The following FREM2 variants were observed in gnomAD, a reference collection of about 807,000 sequenced individuals.
The protein encoded by FREM2 is FRAS1-related extracellular matrix protein 2.
A neutral mutation model predicts 219.9 loss-of-function variants in FREM2; 119 were observed. The ratio of observed to expected loss-of-function variants is 0.54; its 90% CI spans 0.47 to 0.63. FREM2 has a LOEUF of 0.63. Among genes scored for constraint, FREM2 ranks in the 30% least tolerant of loss-of-function variants. The probability of loss-of-function intolerance (pLI) is 0.00; values close to 1 mark genes in which losing one functional copy is unlikely to be tolerated. For synonymous variants in FREM2, 1,562 were observed against 1,522.8 expected (o/e 1.03, Z -0.60); for missense variants, 4,030 against 3,993.6 (o/e 1.01, Z -0.25).
intron 6 of FREM2, among the ~76,000 whole-genome samples, chr13:38,823,182 T>C (rs1876136708): frequency 6.6e-6 from 1 of 151,934 alleles, no homozygotes; most frequent in African/African-American, 2.4e-5. Context: ...CCTTCATATC[T>C]CTAAATATTA....
At chr13:38,740,392 A>G (rs1229841940) in intron 2 of FREM2, among the ~76,000 whole-genome samples, 8 of 152,176 alleles carry the variant, frequency 5.3e-5, no homozygotes, top group Non-Finnish European at 1.0e-4. Flanking sequence ...ACATCTTCAA[A>G]CAGTTCTTTA....
intron 2 of FREM2, among the ~76,000 whole-genome samples, chr13:38,741,882 T>C (rs1872263214): frequency 6.6e-6 from 1 of 152,144 alleles, no homozygotes; most frequent in Non-Finnish European, 1.5e-5. Flanking sequence ...AATATGCTTG[T>C]CTGGAGAAAA....
intron 6 of FREM2, among the ~76,000 whole-genome samples, chr13:38,793,483 A>G (rs2137841158): frequency 6.6e-6 from 1 of 152,316 alleles, no homozygotes; most frequent in Non-Finnish European, 1.5e-5. Flanking sequence ...GCTTGGATAC[A>G]GCAAAAAACT....
rs765981618 is a variant in FREM2, at chr13:38,690,155, T to C, written c.2811T>C (p.Asp937=). 12 of 1,613,996 alleles carry C rather than the reference T, an allele frequency of 7.4e-6. No individual in the cohort carries two copies. Among genetic ancestry groups the C allele is most frequent in the Non-Finnish European group, 1.0e-5 (12 of 1,180,020 alleles). ...TCAGAGTAAATGTCCGGCCAGTGGA[T>C]GATGAAGTGCCCATACTGAGCCATC... ...ITLRVNVRPV[D]DEVPILSHPT... The change falls in exon 1 of 24, where the codon GAT becomes GAC. Residue 937 remains aspartate, a synonymous_variant. Transcript: ENST00000280481.
chr13:38,724,400 A>AC (rs1406003310), intron 2 of FREM2, among the ~76,000 whole-genome samples: 23 of 152,230 alleles, frequency 1.5e-4, no homozygotes, highest in Admixed American at 1.5e-3. Flanking sequence ...CAAGTATATG[A>AC]CAGAGTTAGA....
intron 6 of FREM2, among the ~76,000 whole-genome samples, chr13:38,815,122 G>T (rs376774184): frequency 6.6e-6 from 1 of 152,144 alleles, no homozygotes; most frequent in Non-Finnish European, 1.5e-5. Context: ...TGTACACATG[G>T]TTGCTAAAAT....
Position 38,783,117 on chromosome 13 carries a change from G to T in FREM2, c.5689G>T (p.Val1897Phe), listed in dbSNP as rs1213042816. The T allele has an allele frequency of 8.7e-6, 14 of 1,613,864 alleles. No individual in the cohort carries two copies. Among genetic ancestry groups the T allele is most frequent in the African/African-American group, 1.3e-5 (1 of 74,906 alleles). ...PQSKYSVEEDVGELFIPIRRS... is the reference protein window; with the variant it reads ...PQSKYSVEEDFGELFIPIRRS... ...GTCCAAATACTCCGTTGAAGAAGAT[G>T]TTGGTGAGCTGTTCATTCCCATCAG... The change falls in exon 5 of 24, where the codon GTT (valine) becomes TTT (phenylalanine). Residue 1897 changes from valine to phenylalanine, a missense_variant. Physicochemically the swap from Val to Phe is conservative, Grantham distance 50. Coordinates refer to ENST00000280481, the MANE Select transcript of FREM2 (RefSeq NM_207361.6).
chr13:38,854,497 A>G (rs1227283579), intron 11 of FREM2, among the ~76,000 whole-genome samples: 1 of 152,188 alleles, frequency 6.6e-6, no homozygotes, highest in East Asian at 1.9e-4. Context: ...TCTGCCATGC[A>G]GGAAGGTGCC....
At chr13:38,848,073 A>G (rs1877229644) in intron 7 of FREM2, among the ~76,000 whole-genome samples, 1 of 152,228 alleles carries the variant, frequency 6.6e-6, no homozygotes, top group Non-Finnish European at 1.5e-5. Context: ...AATGTTAACA[A>G]AATTTTAAAT....
chr13:38,726,859 CTGT>C (rs1593368779), intron 2 of FREM2, among the ~76,000 whole-genome samples: 1 of 152,180 alleles, frequency 6.6e-6, no homozygotes, highest in African/African-American at 2.4e-5. Context: ...GTACTTACAG[CTGT>C]TGCTGCACCT....
chr13:38,703,756 C>A (rs572742383), intron 2 of FREM2, among the ~76,000 whole-genome samples: 13 of 152,026 alleles, frequency 8.6e-5, no homozygotes, highest in Non-Finnish European at 1.8e-4. Context: ...TATGAATATA[C>A]TGTTTTCATT....
chr13:38,867,606 G>T (rs1474042299), intron 16 of FREM2, among the ~76,000 whole-genome samples: 1 of 152,172 alleles, frequency 6.6e-6, no homozygotes, highest in Non-Finnish European at 1.5e-5. Flanking sequence ...ACAGTTCCAT[G>T]GCAGGCCATC....
Position 38,792,219 on chromosome 13 carries a change from C to T in FREM2, c.6019+7411C>T, listed in dbSNP as rs532883341. On this transcript the variant is annotated intron_variant, in intron 6 of 23. Coordinates refer to ENST00000280481, the MANE Select transcript of FREM2 (RefSeq NM_207361.6). ...AAAAACTTAGCCGGGTGTGGTGGCA[C>T]GTGCCTGTAATCCCAGCTACTCAGG... 2.6e-5 allele frequency among the ~76,000 whole-genome samples: 4 copies of T among 152,148 alleles called. No homozygotes were observed. The South Asian group carries it at 8.3e-4, about 32-fold the overall frequency.
At chr13:38,748,563 C>T (rs1407398715) in intron 2 of FREM2, among the ~76,000 whole-genome samples, 1 of 152,152 alleles carries the variant, frequency 6.6e-6, no homozygotes, top group Admixed American at 6.5e-5. Flanking sequence ...TGCCTTAAGA[C>T]ACAGGTTCCC....
intron 2 of FREM2, among the ~76,000 whole-genome samples, chr13:38,711,874 G>A (rs1034048270): frequency 6.7e-6 from 1 of 150,292 alleles, no homozygotes; most frequent in African/African-American, 2.5e-5. Flanking sequence ...AGTTTTAAAT[G>A]CAGTGGCTTA....
intron 6 of FREM2, among the ~76,000 whole-genome samples, chr13:38,845,988 A>G (rs1393383193): frequency 2.0e-5 from 3 of 152,196 alleles, no homozygotes; most frequent in East Asian, 1.9e-4. Context: ...AGCATCTCCA[A>G]TACTCTACAG....
At chr13:38,697,970 A>G (rs1870186309) in intron 2 of FREM2, among the ~76,000 whole-genome samples, 183 bp downstream of exon 2, 1 of 152,242 alleles carries the variant, frequency 6.6e-6, no homozygotes, top group East Asian at 1.9e-4. Context: ...TGTCATGGCT[A>G]TAGATAAAAG....
chr13:38,776,060 AC>A (rs1873858423), intron 4 of FREM2, among the ~76,000 whole-genome samples: 1 of 152,166 alleles, frequency 6.6e-6, no homozygotes, highest in Admixed American at 6.5e-5. Flanking sequence ...CTTTTTCAAG[AC>A]CCTGTAAAAA....
chr13:38,751,083 G>A (rs1872734629), intron 2 of FREM2, among the ~76,000 whole-genome samples: 2 of 151,810 alleles, frequency 1.3e-5, no homozygotes, highest in South Asian at 4.2e-4. Context: ...CTCAGCCATT[G>A]TAAATAACGC....
Sources: gnomAD v4.1 joint callset for allele counts (sites outside exome capture counted in the v4.1 genomes callset) on GRCh38, gnomAD v4.1.1 for gene constraint, MANE v1.5 for transcripts, NCBI Gene and HGNC (gene_info 2026-07-23, HGNC 2026-07-21) for gene names.